The following SLC6A11 variants were observed in gnomAD, a reference collection of about 807,000 sequenced individuals.
SLC6A11 encodes the protein solute carrier family 6 member 11.
Under a neutral mutation model 74.8 loss-of-function variants are expected in SLC6A11, and 25 were observed. That is an observed-to-expected ratio of 0.33 (90% CI 0.24 to 0.47). SLC6A11 has a LOEUF of 0.47. Ranked by LOEUF, SLC6A11 falls within the 20% of genes least tolerant of loss-of-function variation. The pLI, the probability that SLC6A11 is intolerant of heterozygous loss-of-function variation, is 1.00. For synonymous variants in SLC6A11, 330 were observed against 330.2 expected (o/e 1.00, Z 0.01); for missense variants, 574 against 837.0 (o/e 0.69, Z 3.88).
intron 11 of SLC6A11, 139 bp downstream of exon 11, chr3:10,933,392 T>C: frequency 1.5e-6 from 1 of 660,116 alleles, no homozygotes; most frequent in East Asian, 2.5e-5. Flanking sequence ...CAGGGATTCC[T>C]TGGCCTTTTC....
intron 6 of SLC6A11, among the ~76,000 whole-genome samples, chr3:10,902,066 G>C (rs1017770306): frequency 6.9e-6 from 1 of 144,160 alleles, no homozygotes; most frequent in East Asian, 2.1e-4. Flanking sequence ...GTGTGTGCGT[G>C]TGTCTGTGTG....
intron 6 of SLC6A11, among the ~76,000 whole-genome samples, chr3:10,905,648 A>T (rs1695293286): frequency 6.6e-6 from 1 of 152,248 alleles, no homozygotes; most frequent in Non-Finnish European, 1.5e-5. Flanking sequence ...AGAGGCAAGG[A>T]TGACATTTGG....
chr3:10,894,081 T>C (rs1695141007), intron 6 of SLC6A11, among the ~76,000 whole-genome samples: 1 of 152,146 alleles, frequency 6.6e-6, no homozygotes, highest in Non-Finnish European at 1.5e-5. Context: ...TGGCCTGCCA[T>C]CTCCCATTAG....
intron 6 of SLC6A11, 149 bp from the exon 7 acceptor site, chr3:10,911,941 G>A (rs1575699741): frequency 4.6e-6 from 3 of 656,118 alleles, no homozygotes; most frequent in Non-Finnish European, 8.2e-6. Flanking sequence ...TCTTTTAAAG[G>A]GGGTCCTGGG....
At chr3:10,880,712 G>A (rs1422634407) in intron 6 of SLC6A11, among the ~76,000 whole-genome samples, 1 of 152,160 alleles carries the variant, frequency 6.6e-6, no homozygotes, top group African/African-American at 2.4e-5. Context: ...GGGCCAGGAG[G>A]GGGTGAAATG....
intron 9 of SLC6A11, among the ~76,000 whole-genome samples, chr3:10,928,129 C>T (rs542171389): frequency 2.7e-4 from 41 of 152,294 alleles, no homozygotes; most frequent in Non-Finnish European, 4.6e-4. Context: ...TGTATGCCAA[C>T]TGCCTAAAAC....
At chr3:10,890,709 C>T (rs548163542) in intron 6 of SLC6A11, among the ~76,000 whole-genome samples, 1 of 152,334 alleles carries the variant, frequency 6.6e-6, no homozygotes, top group South Asian at 2.1e-4. Context: ...GATTTCTTTG[C>T]TCCCCATTGT....
rs1695616551 is a variant in SLC6A11, at chr3:10,926,959, AG to A, written c.1233+844del. On this transcript the variant is annotated intron_variant, in intron 9 of 13. Transcript: ENST00000254488. The surrounding 1 kb of genome is among the most constrained non-coding windows in gnomAD (Gnocchi z 5.7). ...GGAGACTGGGGTCTCTTGGCCAACC[AG>A]TGCTGTGCTGTGCAGGGGCCTCTGC... Among the ~76,000 whole-genome samples, 1 of 152,086 alleles carries A rather than the reference AG, an allele frequency of 6.6e-6. No homozygotes were observed. The highest frequency in any genetic ancestry group is 1.5e-5 in the Non-Finnish European group (1 of 67,994).
intron 3 of SLC6A11, among the ~76,000 whole-genome samples, chr3:10,820,101 C>T (rs1694118786): frequency 6.6e-6 from 1 of 152,182 alleles, no homozygotes; most frequent in South Asian, 2.1e-4. Flanking sequence ...GTTCTGTCCT[C>T]TGTTTGTCAA....
intron 5 of SLC6A11, among the ~76,000 whole-genome samples, chr3:10,861,335 G>A (rs897416932): frequency 2.6e-5 from 4 of 152,118 alleles, no homozygotes; most frequent in East Asian, 3.9e-4. Context: ...GAGCAACATA[G>A]CAAGACCCCA....
intron 4 of SLC6A11, 88 bp from the exon 5 acceptor site, chr3:10,844,126 T>G: frequency 2.0e-6 from 3 of 1,520,478 alleles, no homozygotes; most frequent in Non-Finnish European, 2.7e-6. Context: ...AATGAGCACA[T>G]GGGCCCATCC....
chr3:10,840,918 A>G (rs944096114), intron 4 of SLC6A11, among the ~76,000 whole-genome samples: 3 of 152,158 alleles, frequency 2.0e-5, no homozygotes, highest in East Asian at 1.9e-4. Flanking sequence ...GAAGGTAGGT[A>G]TCATTATTCC....
intron 8 of SLC6A11, among the ~76,000 whole-genome samples, chr3:10,919,155 T>C (rs1400246444): frequency 6.6e-6 from 1 of 152,210 alleles, no homozygotes; most frequent in Non-Finnish European, 1.5e-5. Flanking sequence ...TAAGTATAGA[T>C]TGACATGTGT....
chr3:10,900,795 T>C lies in SLC6A11; in HGVS notation c.892-11295T>C, dbSNP rs142519922. Among the ~76,000 whole-genome samples, 796 of 152,262 alleles carry C rather than the reference T, an allele frequency of 5.2e-3. 9 individuals carry two copies. Among genetic ancestry groups the C allele is most frequent in the African/African-American group, 0.018 (750 of 41,564 alleles). Reference sequence around the variant, plus strand: ...GATTGGAAGCTGAAGTCTGGCTTGGTCTGGGAGCCCCTAGCCCAGTGCTGC... The same window carrying C: ...GATTGGAAGCTGAAGTCTGGCTTGGCCTGGGAGCCCCTAGCCCAGTGCTGC... On this transcript the variant is annotated intron_variant, in intron 6 of 13. Transcript: ENST00000254488.
chr3:10,931,353 C>T (rs541015391), intron 10 of SLC6A11, among the ~76,000 whole-genome samples: 89 of 152,210 alleles, frequency 5.8e-4, no homozygotes, highest in African/African-American at 2.1e-3. Flanking sequence ...TTTCTTTGTT[C>T]CTTTGTAGAG....
At chr3:10,882,969 G>C (rs1695000322) in intron 6 of SLC6A11, among the ~76,000 whole-genome samples, 1 of 151,764 alleles carries the variant, frequency 6.6e-6, no homozygotes, top group South Asian at 2.1e-4. Context: ...AAGAGCTCTG[G>C]AACACCGGTG....
chr3:10,821,245 C>T (rs1175310344), intron 3 of SLC6A11, among the ~76,000 whole-genome samples: 2 of 152,200 alleles, frequency 1.3e-5, no homozygotes, highest in Admixed American at 1.3e-4. Flanking sequence ...AAAATATGCA[C>T]ATGCTCTGGA....
In SLC6A11 at chr3:10,852,874, G is replaced by C. The variant is rs552585318; in HGVS notation, c.756+8528G>C. On this transcript the variant is annotated intron_variant, in intron 5 of 13. Coordinates refer to ENST00000254488, the MANE Select transcript of SLC6A11 (RefSeq NM_014229.3). ...CTCTGTGCTAGGTGCTATGGGGAAC[G>C]GTAAAAGAATGATTAGCTCTCAGGA... 7.9e-5 allele frequency among the ~76,000 whole-genome samples: 12 copies of C among 152,294 alleles called. No individual in the cohort carries two copies. The South Asian group carries it at 2.3e-3, about 29-fold the overall frequency.
chr3:10,937,942 C>G (rs1256585539), intron 13 of SLC6A11, among the ~76,000 whole-genome samples: 1 of 152,228 alleles, frequency 6.6e-6, no homozygotes, highest in Non-Finnish European at 1.5e-5. Flanking sequence ...CTGATGACCG[C>G]TCTGAGTCCC....
Sources: allele counts gnomAD v4.1 joint callset (sites outside exome capture counted in the v4.1 genomes callset), GRCh38; gene constraint gnomAD v4.1.1; non-coding constraint Gnocchi (gnomAD v3.1); transcripts MANE v1.5; gene names NCBI Gene and HGNC (gene_info 2026-07-23, HGNC 2026-07-21).